SLCO2B1: variants seen among roughly 807,000 people sequenced by gnomAD.
SLCO2B1 encodes OATP-RP2.
A neutral mutation model predicts 67.3 loss-of-function variants in SLCO2B1; 41 were observed. That is an observed-to-expected ratio of 0.61 (90% CI 0.47 to 0.79). The LOEUF (loss-of-function observed/expected upper bound fraction) is 0.79. SLCO2B1 is among the 30% of genes least tolerant of loss of function. The pLI is 0.00. For synonymous variants in SLCO2B1, 379 were observed against 381.4 expected (o/e 0.99, Z 0.07); for missense variants, 837 against 920.1 (o/e 0.91, Z 1.17).
At chr11:75,155,566 T>C (rs1397849372) in intron 1 of SLCO2B1, among the ~76,000 whole-genome samples, 1 of 152,212 alleles carries the variant, frequency 6.6e-6, no homozygotes, top group Admixed American at 6.5e-5. Flanking sequence ...CCAGCAATTC[T>C]CATACCTCAA....
At chr11:75,178,093 C>CAAAA (rs71804511) in intron 7 of SLCO2B1, among the ~76,000 whole-genome samples, 1 of 84,386 alleles carries the variant, frequency 1.2e-5, no homozygotes, top group African/African-American at 3.9e-5. Flanking sequence ...GATTCCATCT[C>CAAAA]AAAAAAAAAA....
Position 75,193,172 on chromosome 11 carries a change from A to G in SLCO2B1, c.1076-46A>G, listed in dbSNP as rs201645517. On this transcript the variant is annotated intron_variant, in intron 8 of 13. Transcript: ENST00000289575. This position sits in a 1 kb window ranked among gnomAD's most constrained non-coding sequence, Gnocchi z 4.2. ...GGCAGGAGGGCAGTCTCTGCTGGAC[A>G]GCTTGGCTGCCCTGCCTGCCCTGAC... 802 of 1,456,988 alleles carry G rather than the reference A, an allele frequency of 5.5e-4. 3 individuals are homozygous for G. The African/African-American group carries it at 1.0e-2, about 18-fold the overall frequency. 90.3% of individuals were successfully genotyped at this position (1,456,988 alleles called of 1,614,324 possible). A position where few individuals can be genotyped will look rare whatever the true frequency, so the allele number is the denominator to read the frequency against.
chr11:75,152,885 G>A (rs1949707835), intron 1 of SLCO2B1, among the ~76,000 whole-genome samples: 1 of 152,172 alleles, frequency 6.6e-6, no homozygotes, highest in Non-Finnish European at 1.5e-5. Context: ...ATGTGGGTGG[G>A]GTAGGACACA....
At chr11:75,198,058 T>C (rs1945127368) in intron 10 of SLCO2B1, among the ~76,000 whole-genome samples, 1 of 152,136 alleles carries the variant, frequency 6.6e-6, no homozygotes, top group Non-Finnish European at 1.5e-5. Flanking sequence ...GGCATCAGCA[T>C]CTAAACCTGA....
intron 4 of SLCO2B1, among the ~76,000 whole-genome samples, chr11:75,167,342 C>G (rs1346276586): frequency 6.6e-6 from 1 of 152,170 alleles, no homozygotes; most frequent in Non-Finnish European, 1.5e-5. Context: ...ACAGAATTTT[C>G]ACTTTACATT....
intron 6 of SLCO2B1, among the ~76,000 whole-genome samples, chr11:75,171,829 T>A (rs978303376): frequency 7.2e-5 from 11 of 152,104 alleles, no homozygotes; most frequent in African/African-American, 2.7e-4. Context: ...TTGACAAACA[T>A]CCCTGGGGAT....
intron 1 of SLCO2B1, among the ~76,000 whole-genome samples, chr11:75,161,606 T>C (rs147102892): frequency 0.016 from 2,448 of 152,068 alleles, 27 homozygotes; most frequent in Non-Finnish European, 0.027. Flanking sequence ...AATCCTGAGG[T>C]CAATTTTCAG....
intron 2 of SLCO2B1, among the ~76,000 whole-genome samples, chr11:75,163,394 T>C (rs1949847004): frequency 6.6e-6 from 1 of 152,082 alleles, no homozygotes; most frequent in African/African-American, 2.4e-5. Flanking sequence ...CAGGTTGCGA[T>C]GTTTGGGGTG....
intron 1 of SLCO2B1, among the ~76,000 whole-genome samples, chr11:75,152,063 C>G (rs1481550428): frequency 6.6e-6 from 1 of 152,186 alleles, no homozygotes; most frequent in East Asian, 1.9e-4. Context: ...GCAGTGAGGT[C>G]TCTTACTATA....
At position 75,169,337 on chromosome 11, in the gene SLCO2B1, C is replaced by T. The variant is rs1949932343; in HGVS notation, c.613C>T (p.Pro205Ser). 6.2e-7 allele frequency: 1 copy of T among 1,613,864 alleles called. No homozygotes were observed. The change falls in exon 5 of 14, where the codon CCC becomes TCC. Residue 205 changes from proline (P) to serine (S), a missense_variant. Transcript: ENST00000289575. Reference sequence around the variant, plus strand: ...GACCCTGCTGGGCGTGGGCGGGGTGCCCATTCAGCCCTTTGGCATCTCCTA... The same window carrying T: ...GACCCTGCTGGGCGTGGGCGGGGTGTCCATTCAGCCCTTTGGCATCTCCTA... The part of the protein sequence containing the change: ...AQTLLGVGGV[P>S]IQPFGISYID...
At chr11:75,158,488 G>GTT (rs545492185) in intron 1 of SLCO2B1, among the ~76,000 whole-genome samples, 10 of 149,976 alleles carry the variant, frequency 6.7e-5, no homozygotes, top group Non-Finnish European at 1.3e-4. Flanking sequence ...AGTTAAGGCT[G>GTT]TTTTTTTTTT....
chr11:75,160,443 G>A (rs1336018291), intron 1 of SLCO2B1, among the ~76,000 whole-genome samples: 2 of 152,220 alleles, frequency 1.3e-5, no homozygotes, highest in Admixed American at 6.5e-5. Context: ...AGGGTTCATG[G>A]GCCAGTGCAC....
Position 75,171,154 on chromosome 11 carries a change from G to A in SLCO2B1, c.782-1225G>A, listed in dbSNP as rs1028214159. 5.3e-5 allele frequency among the ~76,000 whole-genome samples: 8 copies of A among 152,206 alleles called. No homozygotes were observed. The South Asian group carries it at 6.2e-4, about 12-fold the overall frequency. On this transcript the variant is annotated intron_variant, in intron 6 of 13. Coordinates refer to ENST00000289575, the MANE Select transcript of SLCO2B1 (RefSeq NM_007256.5). ...AACCCATCCCCGGCTTTACAGGTGC[G>A]TTTGCTAAGTGCCAACTGAGTCCTC...
chr11:75,181,660 T>C (rs1385916477), intron 7 of SLCO2B1, among the ~76,000 whole-genome samples: 1 of 152,168 alleles, frequency 6.6e-6, no homozygotes, highest in Non-Finnish European at 1.5e-5. Context: ...CCTGGATCCC[T>C]GGGGGCCCAG....
chr11:75,193,168 G>A lies in SLCO2B1; in HGVS notation c.1076-50G>A. The stretch of plus-strand genomic sequence containing the variant: ...GCAGGGCAGGAGGGCAGTCTCTGCT[G>A]GACAGCTTGGCTGCCCTGCCTGCCC... On this transcript the variant is annotated intron_variant, in intron 8 of 13. Coordinates refer to ENST00000289575, the MANE Select transcript of SLCO2B1 (RefSeq NM_007256.5). The surrounding 1 kb of genome is among the most constrained non-coding windows in gnomAD (Gnocchi z 4.2). 1 of 1,422,120 alleles carries A rather than the reference G, an allele frequency of 7.0e-7. No homozygotes were observed. The highest frequency in any genetic ancestry group is 9.7e-7 in the Non-Finnish European group (1 of 1,030,996). 88.1% of individuals were successfully genotyped at this position (1,422,120 alleles called of 1,614,324 possible).
chr11:75,196,117 G>C (rs1945093388), intron 9 of SLCO2B1: 1 of 174,978 alleles, frequency 5.7e-6, no homozygotes, highest in Non-Finnish European at 1.2e-5. Context: ...CAGGTCTCCT[G>C]ATCGGGTCCC....
At chr11:75,184,179 G>A (rs2140328416) in intron 7 of SLCO2B1, among the ~76,000 whole-genome samples, 1 of 152,178 alleles carries the variant, frequency 6.6e-6, no homozygotes, top group Admixed American at 6.5e-5. Context: ...ACCCACTTCT[G>A]GTTAGAACCA....
At chr11:75,160,202 C>T (rs1282576817) in intron 1 of SLCO2B1, among the ~76,000 whole-genome samples, 4 of 152,332 alleles carry the variant, frequency 2.6e-5, no homozygotes, top group Non-Finnish European at 4.4e-5. Context: ...ACTGGCACTG[C>T]TACCTATGAA....
intron 4 of SLCO2B1, 90 bp downstream of exon 4, chr11:75,166,039 G>T: frequency 6.9e-7 from 1 of 1,453,250 alleles, no homozygotes; most frequent in Non-Finnish European, 9.3e-7. Context: ...CATCTGGCAG[G>T]ATACACCCCA....
Sources: allele counts gnomAD v4.1 joint callset (sites outside exome capture counted in the v4.1 genomes callset), GRCh38; gene constraint gnomAD v4.1.1; non-coding constraint Gnocchi (gnomAD v3.1); transcripts MANE v1.5; gene names NCBI Gene and HGNC (gene_info 2026-07-23, HGNC 2026-07-21).